ARHGAP31: variants seen among roughly 807,000 people sequenced by gnomAD.
The protein encoded by ARHGAP31 is rho GTPase-activating protein 31.
A neutral mutation model predicts 113.9 loss-of-function variants in ARHGAP31; 34 were observed. The ratio of observed to expected loss-of-function variants is 0.30; its 90% CI spans 0.23 to 0.40. The LOEUF (loss-of-function observed/expected upper bound fraction) is 0.40, where lower values mean the gene tolerates loss of function less well. Among genes scored for constraint, ARHGAP31 ranks in the 10% least tolerant of loss-of-function variants. The probability of loss-of-function intolerance (pLI) is 1.00; values close to 1 mark genes in which losing one functional copy is unlikely to be tolerated. For synonymous variants in ARHGAP31, 650 were observed against 684.8 expected (o/e 0.95, Z 0.79); for missense variants, 1,548 against 1,767.1 (o/e 0.88, Z 2.22).
chr3:119,414,980 G>A lies in ARHGAP31; in HGVS notation c.3051G>A (p.Glu1017=), dbSNP rs766763496. 2.8e-5 allele frequency: 46 copies of A among 1,614,072 alleles called. No individual in the cohort carries two copies. The highest frequency in any genetic ancestry group is 3.6e-5 in the Non-Finnish European group (43 of 1,180,030). The change falls in exon 12 of 12, where the codon GAG becomes GAA. Residue 1017 remains glutamate (E), a synonymous_variant. Transcript: ENST00000264245. ...FREFSGLKGA[E]APPNQKGPSG... The stretch of plus-strand genomic sequence containing the variant: ...AGTTCTCTGGCCTGAAAGGGGCAGA[G>A]GCTCCTCCCAACCAGAAGGGACCAA...
At chr3:119,329,232 A>C (rs2079870809) in intron 1 of ARHGAP31, among the ~76,000 whole-genome samples, 1 of 152,238 alleles carries the variant, frequency 6.6e-6, no homozygotes, top group South Asian at 2.1e-4. Flanking sequence ...CATGGTGGCC[A>C]ATGGCCACCA....
intron 1 of ARHGAP31, among the ~76,000 whole-genome samples, chr3:119,364,988 G>T (rs1342142616): frequency 6.6e-6 from 1 of 152,088 alleles, no homozygotes; most frequent in Admixed American, 6.5e-5. Context: ...CAGCTACTCG[G>T]GAGTCTGAGG....
chr3:119,386,260 C>T (rs184482310), intron 6 of ARHGAP31, among the ~76,000 whole-genome samples: 1 of 151,068 alleles, frequency 6.6e-6, no homozygotes, highest in African/African-American at 2.4e-5. Flanking sequence ...ATTTGGGCTG[C>T]TATAAAAAAA....
At chr3:119,361,581 A>G (rs1485424061) in intron 1 of ARHGAP31, among the ~76,000 whole-genome samples, 1 of 152,104 alleles carries the variant, frequency 6.6e-6, no homozygotes, top group African/African-American at 2.4e-5. Context: ...GGGATTTCAC[A>G]GTGTTGGTCA....
At chr3:119,404,292 A>C (rs1302228396) in intron 10 of ARHGAP31, among the ~76,000 whole-genome samples, 1 of 152,176 alleles carries the variant, frequency 6.6e-6, no homozygotes, top group African/African-American at 2.4e-5. Flanking sequence ...TCTCCTCTCT[A>C]TAAATAAGAA....
At chr3:119,398,108 T>A (rs967873662) in intron 8 of ARHGAP31, among the ~76,000 whole-genome samples, 12 of 151,914 alleles carry the variant, frequency 7.9e-5, no homozygotes, top group East Asian at 1.9e-4. Flanking sequence ...TTCTAAAAAA[T>A]TTTTTTAAAT....
intron 3 of ARHGAP31, 60 bp downstream of exon 3, chr3:119,368,576 G>A (rs547249916): frequency 6.3e-7 from 1 of 1,587,700 alleles, no homozygotes; most frequent in East Asian, 2.2e-5. Context: ...GCCAAGAAGA[G>A]TTTCAGCACT....
At chr3:119,365,265 A>G in intron 1 of ARHGAP31, 51 bp from the exon 2 acceptor site, 1 of 1,467,684 alleles carries the variant, frequency 6.8e-7, no homozygotes, top group Non-Finnish European at 9.5e-7. Flanking sequence ...TTTAAAAGAC[A>G]GGCAGACTTA....
intron 10 of ARHGAP31, among the ~76,000 whole-genome samples, chr3:119,406,780 C>T (rs1345131187): frequency 6.6e-6 from 1 of 152,144 alleles, no homozygotes; most frequent in Non-Finnish European, 1.5e-5. Flanking sequence ...TAATACAAGC[C>T]AGGAATCAGT....
In ARHGAP31 at chr3:119,402,116, A is replaced by G. The variant is rs1577030683; in HGVS notation, c.1364A>G (p.Tyr455Cys). 2.5e-6 allele frequency: 4 copies of G among 1,614,222 alleles called. No homozygotes were observed. The highest frequency in any genetic ancestry group is 2.2e-5 in the East Asian group (1 of 44,888). ...QTAPKMLGMF[Y>C]TSNDSPSKSV... ...GCCCCAAAGATGTTGGGTATGTTCT[A>G]CACTTCGAACGACAGCCCTAGCAAA... The change falls in exon 10 of 12, where the codon TAC becomes TGC. Residue 455 changes from tyrosine (Y) to cysteine (C), a missense_variant. Tyr to Cys is a radical substitution (Grantham distance 194, BLOSUM62 -2). Coordinates refer to ENST00000264245, the MANE Select transcript of ARHGAP31 (RefSeq NM_020754.4).
intron 1 of ARHGAP31, among the ~76,000 whole-genome samples, chr3:119,309,306 T>C (rs930073478): frequency 6.6e-6 from 1 of 152,366 alleles, no homozygotes; most frequent in Admixed American, 6.5e-5. Flanking sequence ...AAAGTGCTGC[T>C]GGCCTGTCAG....
intron 1 of ARHGAP31, among the ~76,000 whole-genome samples, chr3:119,319,412 C>T (rs1342186306): frequency 1.3e-5 from 2 of 152,070 alleles, no homozygotes; most frequent in Non-Finnish European, 2.9e-5. Context: ...AATTTCTCTG[C>T]CACCGTCTTT....
chr3:119,397,012 G>T (rs2080556075), intron 8 of ARHGAP31, among the ~76,000 whole-genome samples: 1 of 152,168 alleles, frequency 6.6e-6, no homozygotes, highest in Non-Finnish European at 1.5e-5. Flanking sequence ...GCTATAGCAG[G>T]TCCAGGCTCA....
intron 1 of ARHGAP31, among the ~76,000 whole-genome samples, chr3:119,353,218 A>G (rs988386724): frequency 2.6e-5 from 4 of 152,102 alleles, no homozygotes; most frequent in African/African-American, 7.2e-5. Flanking sequence ...GCACTCCCCA[A>G]CGTGGTCCCT....
At chr3:119,323,012 G>A (rs1444125473) in intron 1 of ARHGAP31, among the ~76,000 whole-genome samples, 4 of 152,240 alleles carry the variant, frequency 2.6e-5, no homozygotes, top group African/African-American at 7.2e-5. Flanking sequence ...GCGCCCGCCC[G>A]GCGCTTCAGC....
intron 2 of ARHGAP31, among the ~76,000 whole-genome samples, chr3:119,368,056 G>A (rs2107624140): frequency 6.6e-6 from 1 of 152,128 alleles, no homozygotes; most frequent in African/African-American, 2.4e-5. Flanking sequence ...ATCTCAATAG[G>A]ACTTTTTGGC....
At chr3:119,303,909 C>T (rs1183710270) in intron 1 of ARHGAP31, among the ~76,000 whole-genome samples, 1 of 152,026 alleles carries the variant, frequency 6.6e-6, no homozygotes, top group African/African-American at 2.4e-5. Flanking sequence ...ATTCTCCTGC[C>T]TTAGTCTCCC....
At chr3:119,411,910 C>T (rs1042747312) in intron 11 of ARHGAP31, among the ~76,000 whole-genome samples, 1 of 152,142 alleles carries the variant, frequency 6.6e-6, no homozygotes, top group Non-Finnish European at 1.5e-5. Context: ...AGCTCACAGT[C>T]CATTGGGAAT....
intron 3 of ARHGAP31, among the ~76,000 whole-genome samples, chr3:119,372,070 A>G (rs529265077): frequency 4.9e-4 from 74 of 152,292 alleles, no homozygotes; most frequent in South Asian, 1.9e-3. Context: ...CAATGAACAT[A>G]CGTGTGCATG....
Sources: gnomAD v4.1 joint callset for allele counts (sites outside exome capture counted in the v4.1 genomes callset) on GRCh38, gnomAD v4.1.1 for gene constraint, MANE v1.5 for transcripts, NCBI Gene and HGNC (gene_info 2026-07-23, HGNC 2026-07-21) for gene names.